Variants in BTBD9 observed in about 807,000 individuals in gnomAD.
The protein encoded by BTBD9 is BTB/POZ domain-containing protein 9.
Under a neutral mutation model 64.3 loss-of-function variants are expected in BTBD9, and 49 were observed. The observed-to-expected ratio is 0.76, with a 90% CI of 0.61 to 0.97. The LOEUF is 0.97. Among genes scored for constraint, BTBD9 ranks in the 50% least tolerant of loss-of-function variants. The pLI, the probability that BTBD9 is intolerant of heterozygous loss-of-function variation, is 0.00. For synonymous variants in BTBD9, 260 were observed against 274.7 expected (o/e 0.95, Z 0.53); for missense variants, 598 against 762.1 (o/e 0.78, Z 2.53).
At position 38,440,314 on chromosome 6, in the gene BTBD9, G is replaced by C. The variant is rs764886167; in HGVS notation, c.1155-95221C>G. ...CGCACTAAGTAGAAACAGCCAGTGG[G>C]ATAGGAGGAAACCAGAGAAGAGAGG... On this transcript the variant is annotated intron_variant, in intron 6 of 10. Transcript: ENST00000481247. 7.7e-4 allele frequency among the ~76,000 whole-genome samples: 117 copies of C among 152,212 alleles called. 1 individual carries two copies. The highest frequency in any genetic ancestry group is 3.1e-4 in the Non-Finnish European group (21 of 68,030).
At chr6:38,176,145 C>T (rs1193372564) in intron 10 of BTBD9, among the ~76,000 whole-genome samples, 1 of 152,154 alleles carries the variant, frequency 6.6e-6, no homozygotes, top group African/African-American at 2.4e-5. Flanking sequence ...CATGTGTGAG[C>T]TGTGGGGTGC....
chr6:38,288,731 A>G (rs1327276562), intron 7 of BTBD9, among the ~76,000 whole-genome samples: 1 of 152,000 alleles, frequency 6.6e-6, no homozygotes, highest in Non-Finnish European at 1.5e-5. Context: ...CAGGAGTTTG[A>G]GACCAGCCAA....
intron 6 of BTBD9, among the ~76,000 whole-genome samples, chr6:38,505,809 A>G (rs1184883315): frequency 6.6e-6 from 1 of 150,600 alleles, no homozygotes; most frequent in Non-Finnish European, 1.5e-5. Context: ...TACCAAAAAT[A>G]CAAAAATTAG....
At chr6:38,443,689 C>T (rs1048491456) in intron 6 of BTBD9, among the ~76,000 whole-genome samples, 4 of 152,190 alleles carry the variant, frequency 2.6e-5, no homozygotes, top group Non-Finnish European at 4.4e-5. Flanking sequence ...CACATGCACA[C>T]ATCCAATTAA....
chr6:38,249,316 G>A (rs1764311245), intron 9 of BTBD9, among the ~76,000 whole-genome samples: 1 of 152,090 alleles, frequency 6.6e-6, no homozygotes, highest in Admixed American at 6.6e-5. Flanking sequence ...GTGCAGTAGT[G>A]TGATCTTAGC....
At chr6:38,441,846 T>A (rs138084190) in intron 6 of BTBD9, among the ~76,000 whole-genome samples, 1 of 152,292 alleles carries the variant, frequency 6.6e-6, no homozygotes, top group East Asian at 1.9e-4. Context: ...GTGGATGTTA[T>A]CAACAGTCCA....
chr6:38,311,963 G>A (rs1421341062), intron 7 of BTBD9, among the ~76,000 whole-genome samples: 2 of 152,092 alleles, frequency 1.3e-5, no homozygotes, highest in African/African-American at 2.4e-5. Flanking sequence ...CTGGGTCCAC[G>A]CCATTCTCCT....
chr6:38,457,480 ATT>A (rs200248949), intron 6 of BTBD9, among the ~76,000 whole-genome samples: 1 of 147,138 alleles, frequency 6.8e-6, no homozygotes, highest in Non-Finnish European at 1.5e-5. Context: ...TGAAGAGTTA[ATT>A]TTTTTTTTTT....
In BTBD9 at chr6:38,345,039, C is replaced by T. The variant is rs369981284; in HGVS notation, c.1209G>A (p.Val403=). ...HNTVNKIFHI[V]AFECMFTNKT... ...TGTTTGTAAACATACATTCAAAAGC[C>T]ACAATGTGAAAAATCTTGTTCACTG... The change falls in exon 7 of 11, where the codon GTG becomes GTA. Residue 403 remains valine, a synonymous_variant. Transcript: ENST00000481247. The T allele has an allele frequency of 2.6e-5, 42 of 1,609,530 alleles. No individual in the cohort carries two copies. Among genetic ancestry groups the T allele is most frequent in the Non-Finnish European group, 3.5e-5 (41 of 1,177,004 alleles).
chr6:38,280,241 T>G (rs557443044), intron 8 of BTBD9, among the ~76,000 whole-genome samples: 1 of 152,326 alleles, frequency 6.6e-6, no homozygotes, highest in Non-Finnish European at 1.5e-5. Context: ...AGTTCAGACT[T>G]CAGCACCTAC....
chr6:38,232,103 T>G (rs1214055421), intron 9 of BTBD9, among the ~76,000 whole-genome samples: 1 of 152,190 alleles, frequency 6.6e-6, no homozygotes, highest in East Asian at 1.9e-4. Flanking sequence ...GTGGCCCTTT[T>G]GCCAGCCAAA....
intron 6 of BTBD9, among the ~76,000 whole-genome samples, chr6:38,429,287 T>C (rs555374976): frequency 6.6e-6 from 1 of 150,964 alleles, no homozygotes; most frequent in Admixed American, 6.6e-5. Context: ...AGACCCTGTC[T>C]CTACTAAAAA....
intron 6 of BTBD9, among the ~76,000 whole-genome samples, chr6:38,489,709 G>A (rs1272813966): frequency 2.0e-5 from 3 of 152,210 alleles, no homozygotes; most frequent in East Asian, 3.9e-4. Flanking sequence ...AGCATGAAAT[G>A]GTTTCTCTTT....
chr6:38,317,877 G>T (rs1763081401), intron 7 of BTBD9, among the ~76,000 whole-genome samples: 1 of 149,624 alleles, frequency 6.7e-6, no homozygotes, highest in African/African-American at 2.4e-5. Context: ...AAATGTATCT[G>T]ATAGGATTCT....
intron 4 of BTBD9, among the ~76,000 whole-genome samples, chr6:38,589,970 C>T (rs1776721242): frequency 6.6e-6 from 1 of 152,196 alleles, no homozygotes; most frequent in South Asian, 2.1e-4. Context: ...TTTCTATACT[C>T]TAGCAGCTCA....
At chr6:38,431,650 C>A (rs1352771598) in intron 6 of BTBD9, among the ~76,000 whole-genome samples, 1 of 152,040 alleles carries the variant, frequency 6.6e-6, no homozygotes, top group East Asian at 1.9e-4. Flanking sequence ...CTGAATATAA[C>A]CTGACTCTGA....
At chr6:38,270,528 A>G (rs557266535) in intron 8 of BTBD9, among the ~76,000 whole-genome samples, 1 of 152,310 alleles carries the variant, frequency 6.6e-6, no homozygotes, top group Admixed American at 6.5e-5. Context: ...GTGGGGCAGA[A>G]GAGGACCCCA....
intron 6 of BTBD9, among the ~76,000 whole-genome samples, chr6:38,407,024 C>T (rs1029997474): frequency 4.6e-5 from 7 of 152,182 alleles, no homozygotes; most frequent in Admixed American, 4.6e-4. Flanking sequence ...TTTCCACTAC[C>T]TGGCTGTCTT....
At chr6:38,256,588 C>T in intron 8 of BTBD9, 72 bp from the exon 9 acceptor site, 1 of 1,025,362 alleles carries the variant, frequency 9.8e-7, no homozygotes, top group Non-Finnish European at 1.5e-6. Context: ...GTGGGCATAT[C>T]CCTCCCACCC....
Sources: gnomAD v4.1 joint callset for allele counts (sites outside exome capture counted in the v4.1 genomes callset) on GRCh38, gnomAD v4.1.1 for gene constraint, MANE v1.5 for transcripts, NCBI Gene and HGNC (gene_info 2026-07-23, HGNC 2026-07-21) for gene names.